Variants in LRRC28 observed in about 807,000 individuals in gnomAD.
The protein encoded by LRRC28 is leucine rich repeat containing 28, also known as leucine-rich repeat-containing protein 28.
Under a neutral mutation model 45.7 loss-of-function variants are expected in LRRC28, and 39 were observed. The observed-to-expected ratio is 0.85, with a 90% CI of 0.66 to 1.12. LRRC28 has a LOEUF of 1.12. LRRC28 is among the 50% of genes most tolerant of loss of function. The probability of loss-of-function intolerance (pLI) is 0.00; values close to 1 mark genes in which losing one functional copy is unlikely to be tolerated. For synonymous variants in LRRC28, 206 were observed against 178.8 expected, an observed-to-expected ratio of 1.15 and a Z score of -1.22; for missense variants, 435 against 438.5, an observed-to-expected ratio of 0.99 and a Z score of 0.07.
At chr15:99,252,614 A>G (rs971736976) in intron 1 of LRRC28, among the ~76,000 whole-genome samples, 1 of 152,202 alleles carries the variant, frequency 6.6e-6, no homozygotes, top group Non-Finnish European at 1.5e-5. Context: ...CGGGCTACAT[A>G]ATGTCTATTG....
At chr15:99,359,877 C>T (rs1405293897) in intron 7 of LRRC28, among the ~76,000 whole-genome samples, 1 of 152,202 alleles carries the variant, frequency 6.6e-6, no homozygotes, top group Non-Finnish European at 1.5e-5. Flanking sequence ...GAGAAAGCCA[C>T]TGGCTTCTTA....
intron 3 of LRRC28, among the ~76,000 whole-genome samples, chr15:99,278,539 C>T (rs1027587832): frequency 6.6e-6 from 1 of 152,232 alleles, no homozygotes; most frequent in African/African-American, 2.4e-5. Context: ...AGCCACTGCA[C>T]CTGGTCCCTT....
intron 6 of LRRC28, among the ~76,000 whole-genome samples, chr15:99,335,249 G>C (rs1956284579): frequency 6.6e-6 from 1 of 152,160 alleles, no homozygotes. Flanking sequence ...TACAAATCTA[G>C]AGCTCCAGCT....
chr15:99,323,644 G>A (rs563546009), intron 5 of LRRC28, among the ~76,000 whole-genome samples: 8 of 152,246 alleles, frequency 5.3e-5, no homozygotes, highest in African/African-American at 1.9e-4. Flanking sequence ...TAACAAACAT[G>A]TTTGTGTTTG....
At chr15:99,267,568 C>T (rs1452413819) in intron 2 of LRRC28, among the ~76,000 whole-genome samples, 1 of 152,096 alleles carries the variant, frequency 6.6e-6, no homozygotes, top group Non-Finnish European at 1.5e-5. Context: ...TGTATAAAAG[C>T]ATCTCTGTTT....
chr15:99,351,829 A>G (rs553149194), intron 6 of LRRC28, among the ~76,000 whole-genome samples: 9 of 152,344 alleles, frequency 5.9e-5, no homozygotes, highest in African/African-American at 7.2e-5. Flanking sequence ...TAGTTGGGGA[A>G]AGAGATTGGG....
At position 99,287,801 on chromosome 15, in the gene LRRC28, T is replaced by C; in HGVS notation, c.248-13T>C. ...AGTCAAATTCATTTTGCCTTCTCCTTTTCTCTTTGAAGCCATTGGGTCTCT... is the reference window on the plus strand; with the variant it reads ...AGTCAAATTCATTTTGCCTTCTCCTCTTCTCTTTGAAGCCATTGGGTCTCT... On this transcript the variant is annotated splice_polypyrimidine_tract_variant and intron_variant, in intron 4 of 9. Coordinates refer to ENST00000301981, the MANE Select transcript of LRRC28 (RefSeq NM_144598.5). 1 of 1,591,156 alleles carries C rather than the reference T, an allele frequency of 6.3e-7. No individual in the cohort carries two copies. The highest frequency in any genetic ancestry group is 8.6e-7 in the Non-Finnish European group (1 of 1,168,904).
chr15:99,363,291 G>C, intron 9 of LRRC28, 26 bp downstream of exon 9: 1 of 1,610,940 alleles, frequency 6.2e-7, no homozygotes. Context: ...TGGGCACCAG[G>C]GTTTACACCC....
chr15:99,293,797 C>G (rs535351462), intron 5 of LRRC28, among the ~76,000 whole-genome samples: 25 of 151,918 alleles, frequency 1.6e-4, no homozygotes, highest in African/African-American at 5.6e-4. Context: ...ATTTTTTCCT[C>G]TAGATTTAGT....
In LRRC28 at chr15:99,259,898, G is replaced by A. The variant is rs189432275; in HGVS notation, c.168+3773G>A. ...TGATGCAAAGGTGGAAGAACCCGAC[G>A]AAGAACCTGAGGAGACAGCAGAAGA... On this transcript the variant is annotated intron_variant, in intron 2 of 9. Coordinates refer to ENST00000301981, the MANE Select transcript of LRRC28 (RefSeq NM_144598.5). The A allele has an allele frequency of 4.8e-4, 354 of 733,670 alleles. 3 individuals are homozygous for A. In the East Asian group the frequency reaches 6.3e-3, roughly 13 times the overall value. The allele number at this position is 733,670 out of a possible 1,614,324, so 45.4% of individuals were successfully genotyped here.
intron 5 of LRRC28, among the ~76,000 whole-genome samples, chr15:99,318,768 ATT>A (rs1955687818): frequency 6.6e-6 from 1 of 152,006 alleles, no homozygotes; most frequent in Non-Finnish European, 1.5e-5. Context: ...AAAATTATAT[ATT>A]GTATTTAGTA....
rs151335667 is a variant in LRRC28, at chr15:99,381,662, T to A, written c.1032-4368T>A. ...TCTGTTTTTTCCCCATCTTTGTGGT[T>A]TTATCTACCTTTGGTCTTTGATGAT... On this transcript the variant is annotated intron_variant, in intron 9 of 9. Transcript: ENST00000301981. 7.7e-3 allele frequency among the ~76,000 whole-genome samples: 1,178 copies of A among 152,320 alleles called. 13 individuals are homozygous for A. Among genetic ancestry groups the A allele is most frequent in the African/African-American group, 0.027 (1,120 of 41,574 alleles).
chr15:99,290,347 C>T (rs1292081069), intron 5 of LRRC28, among the ~76,000 whole-genome samples: 1 of 151,790 alleles, frequency 6.6e-6, no homozygotes, highest in Non-Finnish European at 1.5e-5. Flanking sequence ...TAATGAATGT[C>T]TTATTTTTTC....
intron 9 of LRRC28, among the ~76,000 whole-genome samples, chr15:99,372,947 A>G (rs1957524183): frequency 6.6e-6 from 1 of 152,016 alleles, no homozygotes; most frequent in Non-Finnish European, 1.5e-5. Flanking sequence ...CAAAGAGGGA[A>G]ACGACCCTTA....
At chr15:99,354,702 A>G (rs1224607557) in intron 7 of LRRC28, among the ~76,000 whole-genome samples, 1 of 152,256 alleles carries the variant, frequency 6.6e-6, no homozygotes, top group African/African-American at 2.4e-5. Flanking sequence ...CAGGGAGTCA[A>G]GCAAACCCTA....
At chr15:99,259,239 C>A in intron 2 of LRRC28, 2 of 1,045,646 alleles carry the variant, frequency 1.9e-6, no homozygotes, top group Non-Finnish European at 3.0e-6. Context: ...TGCCTCATGG[C>A]TGGGTCCAGC....
chr15:99,294,919 C>T (rs563617234), intron 5 of LRRC28, among the ~76,000 whole-genome samples: 20 of 152,310 alleles, frequency 1.3e-4, no homozygotes, highest in Admixed American at 4.6e-4. Flanking sequence ...CTGCAGGACT[C>T]GAGCTCTGTT....
intron 6 of LRRC28, among the ~76,000 whole-genome samples, chr15:99,335,516 GC>G (rs2152296166): frequency 6.6e-6 from 1 of 152,242 alleles, no homozygotes; most frequent in South Asian, 2.1e-4. Context: ...CTTGAGCCAG[GC>G]ATGGTGATGC....
intron 2 of LRRC28, among the ~76,000 whole-genome samples, chr15:99,265,106 G>A (rs1485819080): frequency 6.6e-6 from 1 of 152,160 alleles, no homozygotes; most frequent in Non-Finnish European, 1.5e-5. Context: ...GAGAAAGATA[G>A]AATTGTTGGG....
Sources: allele counts gnomAD v4.1 joint callset (sites outside exome capture counted in the v4.1 genomes callset), GRCh38; gene constraint gnomAD v4.1.1; transcripts MANE v1.5; gene names NCBI Gene and HGNC (gene_info 2026-07-23, HGNC 2026-07-21).